Variants in SEMA4C observed in about 807,000 individuals in gnomAD.
SEMA4C encodes the protein semaphorin-4C.
SEMA4C carries 19 observed loss-of-function variants against 89.0 expected under a neutral mutation model. The observed-to-expected ratio is 0.21, with a 90% CI of 0.15 to 0.31. SEMA4C has a LOEUF of 0.31. Ranked by LOEUF, SEMA4C falls within the 10% of genes least tolerant of loss-of-function variation. The probability of loss-of-function intolerance (pLI) is 1.00; values close to 1 mark genes in which losing one functional copy is unlikely to be tolerated. For synonymous variants in SEMA4C, 428 were observed against 472.7 expected, an observed-to-expected ratio of 0.91 and a Z score of 1.23; for missense variants, 811 against 1,107.0, an observed-to-expected ratio of 0.73 and a Z score of 3.79.
intron 1 of SEMA4C, chr2:96,868,695 A>G (rs2080138216): frequency 2.0e-6 from 2 of 980,280 alleles, no homozygotes; most frequent in African/African-American, 1.8e-5. Context: ...CGGTGGGGGG[A>G]CCGAGCTCGG....
At chr2:96,869,825 C>T (rs2080167624) in intron 1 of SEMA4C, 51 bp downstream of exon 1, 2 of 985,284 alleles carry the variant, frequency 2.0e-6, no homozygotes, top group Non-Finnish European at 2.4e-6. Flanking sequence ...GACAAAGCGG[C>T]GGCTCCGGGG....
In SEMA4C at chr2:96,864,239, G is replaced by A. The variant is rs915587104; in HGVS notation, c.1106C>T (p.Ser369Leu). 5.0e-6 allele frequency: 8 copies of A among 1,613,814 alleles called. No homozygotes were observed. The highest frequency in any genetic ancestry group is 6.8e-6 in the Non-Finnish European group (8 of 1,180,006). ...TDPVPSPRPG[S>L]CINNWHRRHG... ...ATGCATCCCTGCCCTAGCACTCACC[G>A]AGCCAGGCCGAGGGCTGGGTACAGG... Residue 369 changes from serine to leucine, a missense_variant and splice_region_variant, in exon 10 of 15, where the codon TCG becomes TTG. Ser to Leu is a moderately radical substitution (Grantham distance 145). Coordinates refer to ENST00000305476, the MANE Select transcript of SEMA4C (RefSeq NM_017789.5). The surrounding 1 kb of genome is among the most constrained non-coding windows in gnomAD (Gnocchi z 6.3).
intron 11 of SEMA4C, 37 bp from the exon 12 acceptor site, chr2:96,863,831 C>A: frequency 6.2e-7 from 1 of 1,607,560 alleles, no homozygotes; most frequent in South Asian, 1.1e-5. Flanking sequence ...AATGAGAGGG[C>A]ACAAGGCCGT....
chr2:96,861,352 G>A lies in SEMA4C; in HGVS notation c.1776C>T (p.Gly592=), dbSNP rs2079938752. Residue 592 remains glycine, a synonymous_variant, in exon 15 of 15, where the codon GGC becomes GGT. Transcript: ENST00000305476. The surrounding 1 kb of genome is among the most constrained non-coding windows in gnomAD (Gnocchi z 7.8). ...CGGGCTGTTCCGCAGGCAGGTCCCG[G>A]CCCCCAAAGGTCCAGCGGGCATGGG... ...NLAHARWTFG[G]RDLPAEQPGS... The A allele has an allele frequency of 3.1e-6, 5 of 1,607,512 alleles. No homozygotes were observed. The highest frequency in any genetic ancestry group is 4.2e-6 in the Non-Finnish European group (5 of 1,179,970).
rs1413311813 is a variant in SEMA4C, at chr2:96,861,087, G to T, written c.2041C>A (p.Leu681Met). ...CGCCGGCGCAATGACAGCACCAGCA[G>T]CAGCAGCACCAGGCACACAGCCCCC... ...ALGAVCLVLL[L>M]LVLSLRRRLR... is the part of the protein sequence containing the mutation. The change falls in exon 15 of 15, where the codon CTG becomes ATG. Residue 681 changes from leucine (L) to methionine (M), a missense_variant. This residue lies in a region of SEMA4C where 248 missense variants were observed against 269.0 expected (regional missense o/e 0.92). Transcript: ENST00000305476. The surrounding 1 kb of genome is among the most constrained non-coding windows in gnomAD (Gnocchi z 7.8). The T allele has an allele frequency of 6.2e-7, 1 of 1,612,634 alleles. No homozygotes were observed. Among genetic ancestry groups the T allele is most frequent in the East Asian group, 2.2e-5 (1 of 44,878 alleles).
chr2:96,869,131 G>T, intron 1 of SEMA4C: 1 of 985,392 alleles, frequency 1.0e-6, no homozygotes, highest in Non-Finnish European at 1.2e-6. Context: ...GGAGAGCGGG[G>T]GCTGCGCCCC....
At position 96,867,783 on chromosome 2, in the gene SEMA4C, G is replaced by A. The variant is rs780410537; in HGVS notation, c.104C>T (p.Ser35Phe). ...TCACCCCTCCAGGCACTCACCCCCA[G>A]AAGACACTGTCTTACGCGGCACAAG... Reference protein sequence around the residue: ...WNLVPRKTVSSGELATVVRRF... With the variant: ...WNLVPRKTVSFGELATVVRRF... The change falls in exon 2 of 15, where the codon TCT becomes TTT. Residue 35 changes from serine (S) to phenylalanine (F), a missense_variant. Ser to Phe is a radical substitution (Grantham distance 155, BLOSUM62 -2). Coordinates refer to ENST00000305476, the MANE Select transcript of SEMA4C (RefSeq NM_017789.5). 5 of 1,613,302 alleles carry A rather than the reference G, an allele frequency of 3.1e-6. No individual in the cohort carries two copies. In the South Asian group the frequency reaches 4.4e-5, roughly 14 times the overall value.
Position 96,864,679 on chromosome 2 carries a change from C to T in SEMA4C, c.962+26G>A, listed in dbSNP as rs374214865. The T allele has an allele frequency of 1.9e-6, 3 of 1,585,946 alleles. No individual in the cohort carries two copies. Among genetic ancestry groups the T allele is most frequent in the African/African-American group, 2.7e-5 (2 of 74,528 alleles). ...TGACCTGAACCCCAGCTCCTCCCCA[C>T]TCTGTGGGAGCCCTGGCCAACTCAC... On this transcript the variant is annotated intron_variant, in intron 9 of 14. Transcript: ENST00000305476. This position sits in a 1 kb window ranked among gnomAD's most constrained non-coding sequence, Gnocchi z 6.3.
intron 2 of SEMA4C, chr2:96,866,783 C>T: frequency 2.0e-5 from 8 of 401,768 alleles, no homozygotes; most frequent in South Asian, 1.2e-4. Context: ...GCTTCCTCGG[C>T]GGCTGCTTCC....
At chr2:96,865,983 G>T (rs2080061161) in intron 3 of SEMA4C, 54 bp from the exon 4 acceptor site, 1 of 1,568,580 alleles carries the variant, frequency 6.4e-7, no homozygotes, top group African/African-American at 1.3e-5. Flanking sequence ...CTGAGCACGT[G>T]TCACAAGCAC....
rs915240425 is a variant in SEMA4C at position 96,860,331 on chromosome 2, GACAA to G, written c.*291_*294del. On this transcript the variant is annotated 3_prime_UTR_variant, in exon 15 of 15. Transcript: ENST00000305476. ...ACACACAAACACATGTGCAAATACA[GACAA>G]ACACACATCTTGAAACTTCTGCCTT... 5 of 467,308 alleles carry G rather than the reference GACAA, an allele frequency of 1.1e-5. No homozygotes were observed. Among genetic ancestry groups the G allele is most frequent in the Non-Finnish European group, 1.1e-5 (3 of 263,790 alleles). The allele number at this position is 467,308 out of a possible 1,614,324, so 28.9% of individuals were successfully genotyped here.
intron 2 of SEMA4C, among the ~76,000 whole-genome samples, chr2:96,867,260 C>T (rs1358664202): frequency 6.6e-6 from 1 of 152,182 alleles, no homozygotes; most frequent in African/African-American, 2.4e-5. Context: ...TCCCAGGTCC[C>T]CAGAGCGCAC....
At position 96,864,512 on chromosome 2, in the gene SEMA4C, A is replaced by C. The variant is rs2080024723; in HGVS notation, c.963-130T>G. On this transcript the variant is annotated intron_variant, in intron 9 of 14. Transcript: ENST00000305476. This position sits in a 1 kb window ranked among gnomAD's most constrained non-coding sequence, Gnocchi z 6.3. ...GGGTACCAGAATGCCCTGGCAGCTC[A>C]AGTGCCACCTGGCATGGGGCCCTGC... is the stretch of plus-strand genomic sequence containing the variant. 7.0e-7 allele frequency: 1 copy of C among 1,435,430 alleles called. No homozygotes were observed. 88.9% of individuals were successfully genotyped at this position (1,435,430 alleles called of 1,614,324 possible).
At position 96,864,812 on chromosome 2, in the gene SEMA4C, G is replaced by C; in HGVS notation, c.855C>G (p.Cys285Trp). 1 of 1,613,942 alleles carries C rather than the reference G, an allele frequency of 6.2e-7. No individual in the cohort carries two copies. Among genetic ancestry groups the C allele is most frequent in the Non-Finnish European group, 8.5e-7 (1 of 1,180,006 alleles). ...WTTFLKARLA[C>W]SAPNWQLYFN... is the part of the protein sequence containing the mutation. ...AGTAGAGCTGCCAGTTCGGGGCAGA[G>C]CATGCCAGCCGCGCCTTCAGGAACG... Residue 285 changes from cysteine (C) to tryptophan (W), a missense_variant, in exon 9 of 15, where the codon TGC becomes TGG. By Grantham distance (215) the Cys-to-Trp change is radical (BLOSUM62 -2). Transcript: ENST00000305476. The surrounding 1 kb of genome is among the most constrained non-coding windows in gnomAD (Gnocchi z 6.3).
rs375842699 is a variant in SEMA4C at position 96,865,852 on chromosome 2, C to T, written c.321+15G>A. The T allele has an allele frequency of 9.3e-6, 15 of 1,613,790 alleles. No individual in the cohort carries two copies. The highest frequency in any genetic ancestry group is 6.7e-5 in the Admixed American group (4 of 59,990). ...GGGGTGAAGGCAGCACCAGGAGCAG[C>T]GTCCAAGCACCCACCTGGTTGTTCT... On this transcript the variant is annotated intron_variant, in intron 4 of 14. Coordinates refer to ENST00000305476, the MANE Select transcript of SEMA4C (RefSeq NM_017789.5).
In SEMA4C at chr2:96,865,045, G is replaced by C; in HGVS notation, c.705C>G (p.Val235=). Residue 235 remains valine (V), a synonymous_variant, in exon 8 of 15, where the codon GTC becomes GTG. Coordinates refer to ENST00000305476, the MANE Select transcript of SEMA4C (RefSeq NM_017789.5). ...VGSFTGDDDK[V]YFFFRERAVE... ...CTGCCCGCTCCCTGAAGAAGAAGTA[G>C]ACCTTGTCGTCGTCCCCCGTGAAGC... The C allele has an allele frequency of 6.4e-7, 1 of 1,557,010 alleles. No homozygotes were observed. Among genetic ancestry groups the C allele is most frequent in the African/African-American group, 1.4e-5 (1 of 73,398 alleles).
Position 96,861,804 on chromosome 2 carries a change from C to G in SEMA4C, c.1534G>C (p.Ala512Pro). The change falls in exon 13 of 15, where the codon GCC (alanine) becomes CCC (proline). Residue 512 changes from alanine to proline, a missense_variant. Coordinates refer to ENST00000305476, the MANE Select transcript of SEMA4C (RefSeq NM_017789.5). This position sits in a 1 kb window ranked among gnomAD's most constrained non-coding sequence, Gnocchi z 7.8. ...KYRSCADCVL[A>P]RDPYCAWSVN... ...CTCCAGGCGCAATAGGGGTCCCGGGCGAGGACACAGTCTGCACAGGAGCGA... is the reference window on the plus strand; with the variant it reads ...CTCCAGGCGCAATAGGGGTCCCGGGGGAGGACACAGTCTGCACAGGAGCGA... The G allele has an allele frequency of 6.2e-7, 1 of 1,613,090 alleles. No homozygotes were observed. The highest frequency in any genetic ancestry group is 1.3e-5 in the African/African-American group (1 of 75,042).
chr2:96,868,404 CA>C, intron 1 of SEMA4C: 5 of 1,006,862 alleles, frequency 5.0e-6, no homozygotes, highest in Non-Finnish European at 5.9e-6. Flanking sequence ...GGGAAAGCCC[CA>C]AAGGGGAAAC....
At position 96,864,872 on chromosome 2, in the gene SEMA4C, C is replaced by T. The variant is rs758666759; in HGVS notation, c.795G>A (p.Met265Ile). 1.2e-6 allele frequency: 2 copies of T among 1,613,074 alleles called. No individual in the cohort carries two copies. The highest frequency in any genetic ancestry group is 1.7e-6 in the Non-Finnish European group (2 of 1,179,618). Reference sequence around the variant, plus strand: ...TCCTCTGCAGGGTCCGTGCGCCCCCCATATCGCCCTGGCAGACGGCAAGGG... The same window carrying T: ...TCCTCTGCAGGGTCCGTGCGCCCCCTATATCGCCCTGGCAGACGGCAAGGG... ...ARVARVCKGD[M>I]GGARTLQRKW... The change falls in exon 9 of 15, where the codon ATG (methionine) becomes ATA (isoleucine). Residue 265 changes from methionine (M) to isoleucine (I), a missense_variant. By Grantham distance (10) the Met-to-Ile change is conservative. Transcript: ENST00000305476. The surrounding 1 kb of genome is among the most constrained non-coding windows in gnomAD (Gnocchi z 6.3).
Sources: gnomAD v4.1 joint callset for allele counts (sites outside exome capture counted in the v4.1 genomes callset) on GRCh38, gnomAD v4.1.1 for gene constraint, gnomAD v4.1.1 regional missense constraint, Gnocchi (gnomAD v3.1) non-coding constraint, MANE v1.5 for transcripts, NCBI Gene and HGNC (gene_info 2026-07-23, HGNC 2026-07-21) for gene names.